The following NUMA1 variants were observed in gnomAD, a reference collection of about 807,000 sequenced individuals.
The protein encoded by NUMA1 is SP-H antigen.
Under a neutral mutation model 237.1 loss-of-function variants are expected in NUMA1, and 62 were observed. The ratio of observed to expected loss-of-function variants is 0.26; its 90% CI spans 0.21 to 0.32. The LOEUF (loss-of-function observed/expected upper bound fraction) is 0.32. NUMA1 is among the 10% of genes least tolerant of loss of function. The pLI, the probability that NUMA1 is intolerant of heterozygous loss-of-function variation, is 1.00. For missense variants in NUMA1, 2,533 were observed against 2,666.5 expected (o/e 0.95, Z 1.10); for synonymous variants, 1,028 against 1,066.1 (o/e 0.96, Z 0.70).
intron 4 of NUMA1, among the ~76,000 whole-genome samples, chr11:72,028,386 A>ATTT (rs1320443117): frequency 6.6e-6 from 1 of 151,052 alleles, no homozygotes; most frequent in African/African-American, 2.4e-5. Context: ...CGTATGGCAC[A>ATTT]TAAACACCTT....
chr11:72,056,642 A>T (rs1395181878), intron 2 of NUMA1, among the ~76,000 whole-genome samples: 11 of 53,026 alleles, frequency 2.1e-4, no homozygotes, highest in African/African-American at 5.6e-4. Context: ...CTTTAAAAAA[A>T]AAAAAAAAAA....
At chr11:72,016,958 T>C (rs980880240) in intron 13 of NUMA1, 5 of 167,274 alleles carry the variant, frequency 3.0e-5, no homozygotes, top group Admixed American at 5.8e-5. Flanking sequence ...CAATAGGCTA[T>C]GCTGGGTTCA....
intron 3 of NUMA1, among the ~76,000 whole-genome samples, chr11:72,034,886 TCA>T (rs1940819788): frequency 6.6e-6 from 1 of 152,204 alleles, no homozygotes; most frequent in Non-Finnish European, 1.5e-5. Context: ...AAACATGGTC[TCA>T]CTCTGTCGCC....
chr11:72,003,695 G>T, intron 26 of NUMA1, 157 bp from the exon 27 acceptor site: 1 of 1,056,242 alleles, frequency 9.5e-7, no homozygotes. Flanking sequence ...GAGCAGCTCT[G>T]GGTGCTCTCC....
intron 12 of NUMA1, 177 bp from the exon 13 acceptor site, chr11:72,018,004 G>A: frequency 1.0e-6 from 1 of 983,310 alleles, no homozygotes; most frequent in East Asian, 2.6e-5. Context: ...TAGGGTCACA[G>A]CCCAGTACCC....
chr11:72,017,828 C>G lies in NUMA1; in HGVS notation c.979-1G>C. The G allele has an allele frequency of 6.3e-7, 1 of 1,589,856 alleles. No homozygotes were observed. The highest frequency in any genetic ancestry group is 8.6e-7 in the Non-Finnish European group (1 of 1,169,194). On this transcript the variant is annotated splice_acceptor_variant, in intron 12 of 26. Coordinates refer to ENST00000393695, the MANE Select transcript of NUMA1 (RefSeq NM_006185.4). LOFTEE classifies it high-confidence loss of function. The stretch of plus-strand genomic sequence containing the variant: ...GCAGATGACTGGCAAACTCCCGCAG[C>G]TGAGACGGGCAAGTGAGAATCCCCA...
intron 1 of NUMA1, among the ~76,000 whole-genome samples, chr11:72,077,538 G>C (rs1339382455): frequency 6.6e-6 from 1 of 152,134 alleles, no homozygotes; most frequent in African/African-American, 2.4e-5. Flanking sequence ...AAGTGAGCTG[G>C]GCACAGTGGC....
chr11:72,073,441 T>C (rs562032579), intron 1 of NUMA1, among the ~76,000 whole-genome samples: 2 of 152,122 alleles, frequency 1.3e-5, no homozygotes, highest in African/African-American at 2.4e-5. Flanking sequence ...TAGTAGAAGA[T>C]GACTCTATGC....
chr11:72,048,189 C>T (rs1942111056), intron 2 of NUMA1, among the ~76,000 whole-genome samples: 1 of 152,032 alleles, frequency 6.6e-6, no homozygotes, highest in South Asian at 2.1e-4. Context: ...CTCTGCCTCC[C>T]GGGTTCATGT....
intron 2 of NUMA1, among the ~76,000 whole-genome samples, chr11:72,062,105 T>C (rs971117990): frequency 4.6e-5 from 7 of 152,176 alleles, no homozygotes; most frequent in African/African-American, 1.7e-4. Flanking sequence ...CTGAAGATCC[T>C]GGCCATGAAA....
intron 2 of NUMA1, among the ~76,000 whole-genome samples, chr11:72,044,016 C>T (rs552456757): frequency 1.2e-4 from 18 of 152,214 alleles, no homozygotes; most frequent in African/African-American, 4.1e-4. Context: ...ATACTATGTA[C>T]GCGACACTAT....
intron 2 of NUMA1, among the ~76,000 whole-genome samples, chr11:72,069,050 AC>A (rs750196261): frequency 3.0e-4 from 46 of 152,346 alleles, no homozygotes; most frequent in Non-Finnish European, 6.3e-4. Flanking sequence ...AGGCAATGAC[AC>A]CATCACCAAA....
chr11:72,010,542 A>G (rs1369418811), intron 17 of NUMA1, among the ~76,000 whole-genome samples: 3 of 152,208 alleles, frequency 2.0e-5, no homozygotes, highest in Non-Finnish European at 2.9e-5. Flanking sequence ...AATTTCAATA[A>G]CCACACGTGA....
Position 72,023,041 on chromosome 11 carries a change from C to T in NUMA1, c.291+24G>A, listed in dbSNP as rs570871085. 2,729 of 1,589,090 alleles carry T rather than the reference C, an allele frequency of 1.7e-3. 66 individuals carry two copies. The South Asian group carries it at 0.029, about 17-fold the overall frequency. On this transcript the variant is annotated intron_variant, in intron 6 of 26. Coordinates refer to ENST00000393695, the MANE Select transcript of NUMA1 (RefSeq NM_006185.4). The stretch of plus-strand genomic sequence containing the variant: ...CATCACCCCAACCCTGCCCTGCCTC[C>T]CCAGTCTGGTATTCCATAGGTACCT...
At position 72,016,134 on chromosome 11, in the gene NUMA1, A is replaced by C. The variant is rs774045114; in HGVS notation, c.1369T>G (p.Phe457Val). 6.8e-6 allele frequency: 11 copies of C among 1,613,954 alleles called. No homozygotes were observed. The highest frequency in any genetic ancestry group is 7.6e-6 in the Non-Finnish European group (9 of 1,180,012). Reference sequence around the variant, plus strand: ...GACAGCTGCTGCTTTTCTTCTTCGAAGTGGCCCCGCTCAGCAAGCAGCTTG... The same window carrying C: ...GACAGCTGCTGCTTTTCTTCTTCGACGTGGCCCCGCTCAGCAAGCAGCTTG... ...EAKLLAERGH[F>V]EEEKQQLSSL... Residue 457 changes from phenylalanine (F) to valine (V), a missense_variant, in exon 15 of 27, where the codon TTC becomes GTC. Phe to Val is a conservative substitution (Grantham distance 50). Transcript: ENST00000393695.
At chr11:72,075,784 G>C (rs190905331) in intron 1 of NUMA1, among the ~76,000 whole-genome samples, 394 of 152,274 alleles carry the variant, frequency 2.6e-3, no homozygotes, top group African/African-American at 8.9e-3. Flanking sequence ...CTGACATATA[G>C]ATAAACTGAG....
chr11:72,018,802 G>T, intron 10 of NUMA1, 21 bp downstream of exon 10: 1 of 1,602,704 alleles, frequency 6.2e-7, no homozygotes. Context: ...TCACACATCT[G>T]CCAGTGTGCC....
At chr11:72,009,212 G>C in intron 18 of NUMA1, 27 bp from the exon 19 acceptor site, 1 of 392,276 alleles carries the variant, frequency 2.5e-6, no homozygotes. Context: ...TGGGTGGGTG[G>C]GGTAGAGGTT....
rs766888938 is a variant in NUMA1, at chr11:72,004,253, T to C, written c.6095A>G (p.Lys2032Arg). 1.6e-5 allele frequency: 25 copies of C among 1,612,078 alleles called. No homozygotes were observed. Among genetic ancestry groups the C allele is most frequent in the Non-Finnish European group, 2.0e-5 (24 of 1,179,584 alleles). ...TTTAGTAGAAGCTGGAGCTGCTTTC[T>C]TCTGGGCCTCAGTAGTGCTCTGTTT... ...GRKQSTTEAQ[K>R]KAAPASTKQA... Residue 2032 changes from lysine (K) to arginine (R), a missense_variant, in exon 25 of 27, where the codon AAG (lysine) becomes AGG (arginine). Physicochemically the swap from Lys to Arg is conservative, Grantham distance 26. Transcript: ENST00000393695.
Sources: gnomAD v4.1 joint callset for allele counts (sites outside exome capture counted in the v4.1 genomes callset) on GRCh38, gnomAD v4.1.1 for gene constraint, MANE v1.5 for transcripts, NCBI Gene and HGNC (gene_info 2026-07-23, HGNC 2026-07-21) for gene names.